EPG5: variants seen among roughly 807,000 people sequenced by gnomAD.
EPG5 encodes the protein ectopic P granules protein 5 homolog.
A neutral mutation model predicts 302.7 loss-of-function variants in EPG5; 159 were observed. The observed-to-expected ratio is 0.53, with a 90% CI of 0.46 to 0.60. The LOEUF is 0.60. Among genes scored for constraint, EPG5 ranks in the 20% least tolerant of loss-of-function variants. EPG5 has a pLI of 0.00. For missense variants in EPG5, 2,896 were observed against 3,092.4 expected, an observed-to-expected ratio of 0.94 and a Z score of 1.51; for synonymous variants, 1,158 against 1,136.8, an observed-to-expected ratio of 1.02 and a Z score of -0.37.
chr18:45,927,593 T>TATACACACAC (rs751518256), intron 13 of EPG5, among the ~76,000 whole-genome samples: 37 of 133,426 alleles, frequency 2.8e-4, no homozygotes, highest in African/African-American at 1.0e-3. Flanking sequence ...CAAAAAGTTA[T>TATACACACAC]ACACACACAC....
At chr18:45,918,950 T>C (rs2050090852) in intron 16 of EPG5, among the ~76,000 whole-genome samples, 1 of 152,078 alleles carries the variant, frequency 6.6e-6, no homozygotes, top group Admixed American at 6.6e-5. Flanking sequence ...GGGGAGAAAA[T>C]CATTTCAAAA....
chr18:45,943,129 A>T (rs1260920402), intron 9 of EPG5, 32 bp downstream of exon 9: 2 of 1,606,506 alleles, frequency 1.2e-6, no homozygotes, highest in Non-Finnish European at 1.7e-6. Context: ...GGGTGAAAGG[A>T]ACAGAGAAGG....
the EPG5 span, among the ~76,000 whole-genome samples, chr18:45,816,350 CAG>C: frequency 6.6e-6 from 1 of 152,058 alleles, no homozygotes; most frequent in Admixed American, 6.6e-5. Flanking sequence ...AGTCAACCCA[CAG>C]AGAGAGAAAA....
the EPG5 span, among the ~76,000 whole-genome samples, chr18:45,828,085 C>T: frequency 6.6e-6 from 1 of 152,224 alleles, no homozygotes; most frequent in Non-Finnish European, 1.5e-5. Context: ...AGCCTCTCCT[C>T]ATGGCTCAGC....
chr18:45,822,341 G>T, the EPG5 span, among the ~76,000 whole-genome samples: 1 of 152,164 alleles, frequency 6.6e-6, no homozygotes. Flanking sequence ...ATTAAAAAAA[G>T]TTGATCTCAT....
chr18:45,930,022 G>T (rs2050364561), intron 12 of EPG5, among the ~76,000 whole-genome samples: 2 of 152,166 alleles, frequency 1.3e-5, no homozygotes, highest in African/African-American at 2.4e-5. Context: ...TGTAAAATGT[G>T]CAAGGCTTTT....
chr18:45,804,291 G>A, the EPG5 span, among the ~76,000 whole-genome samples: 14 of 152,212 alleles, frequency 9.2e-5, no homozygotes, highest in South Asian at 4.1e-4. Context: ...CTAAAGGGTG[G>A]TATTGAAAGG....
intron 1 of EPG5, among the ~76,000 whole-genome samples, chr18:45,963,466 G>A (rs559598209): frequency 3.2e-4 from 48 of 152,192 alleles, no homozygotes; most frequent in South Asian, 6.2e-4. Flanking sequence ...GTGAAACTCC[G>A]TCTCTACTAA....
At chr18:45,937,379 T>C (rs993076981) in intron 10 of EPG5, among the ~76,000 whole-genome samples, 6 of 150,570 alleles carry the variant, frequency 4.0e-5, no homozygotes, top group East Asian at 1.9e-4. Context: ...CACATATATA[T>C]ACACACACAC....
chr18:45,908,838 A>G (rs2049821989), intron 23 of EPG5, among the ~76,000 whole-genome samples: 2 of 151,962 alleles, frequency 1.3e-5, no homozygotes, highest in Non-Finnish European at 2.9e-5. Context: ...AATCCCAGCT[A>G]CTCAGGAGGC....
At chr18:45,964,542 C>G (rs192287559) in intron 1 of EPG5, among the ~76,000 whole-genome samples, 4 of 151,770 alleles carry the variant, frequency 2.6e-5, no homozygotes, top group Admixed American at 2.6e-4. Flanking sequence ...GGTATGTTTT[C>G]TTTTTTTTCC....
the EPG5 span, among the ~76,000 whole-genome samples, chr18:45,819,097 A>G: frequency 1.3e-5 from 2 of 152,182 alleles, no homozygotes; most frequent in Non-Finnish European, 2.9e-5. Flanking sequence ...TCAAAACCTT[A>G]TGGTTTCTGG....
At chr18:45,823,812 G>A in the EPG5 span, among the ~76,000 whole-genome samples, 1 of 152,118 alleles carries the variant, frequency 6.6e-6, no homozygotes. Flanking sequence ...GCACGTGCGA[G>A]GAAGGAGGTC....
the EPG5 span, chr18:45,840,162 C>T: frequency 3.1e-6 from 5 of 1,606,596 alleles, no homozygotes; most frequent in Admixed American, 8.5e-5. Flanking sequence ...GCACAGGCTG[C>T]AGACTGCGGT....
At chr18:45,803,968 A>C in the EPG5 span, among the ~76,000 whole-genome samples, 1 of 152,202 alleles carries the variant, frequency 6.6e-6, no homozygotes, top group African/African-American at 2.4e-5. Flanking sequence ...GGCAAAAGTC[A>C]AGCTCAAGAT....
chr18:45,907,631 G>A (rs118067743), intron 24 of EPG5, among the ~76,000 whole-genome samples: 2,070 of 152,148 alleles, frequency 0.014, 23 homozygotes, highest in Middle Eastern at 0.024. Flanking sequence ...AATGGGAGTA[G>A]AGATAATTGC....
At chr18:45,946,045 C>T (rs1016900883) in intron 7 of EPG5, among the ~76,000 whole-genome samples, 2 of 152,188 alleles carry the variant, frequency 1.3e-5, no homozygotes, top group Admixed American at 1.3e-4. Flanking sequence ...AGGACTAGAA[C>T]TGATAATTAG....
In EPG5 at chr18:45,870,590, T is replaced by C; in HGVS notation, c.6202A>G (p.Met2068Val). 3 of 1,613,654 alleles carry C rather than the reference T, an allele frequency of 1.9e-6. No individual in the cohort carries two copies. The highest frequency in any genetic ancestry group is 2.2e-5 in the South Asian group (2 of 91,038). Reference sequence around the variant, plus strand: ...ACTTTGAAGAAGGCCTCCATGAGCATCTGGTCAGGGTGCAGGTCCTTCCAT... The same window carrying C: ...ACTTTGAAGAAGGCCTCCATGAGCACCTGGTCAGGGTGCAGGTCCTTCCAT... ...LPWKDLHPDQ[M>V]LMEAFFKVER... The change falls in exon 36 of 44, where the codon ATG becomes GTG. Residue 2068 changes from methionine (M) to valine (V), a missense_variant. This residue lies in a region of EPG5 where 620 missense variants were observed against 704.2 expected (regional missense o/e 0.88). Coordinates refer to ENST00000282041, the MANE Select transcript of EPG5 (RefSeq NM_020964.3).
the EPG5 span, among the ~76,000 whole-genome samples, chr18:45,818,478 G>A: frequency 6.6e-6 from 1 of 152,072 alleles, no homozygotes; most frequent in Admixed American, 6.6e-5. Flanking sequence ...ACTCTTGTCA[G>A]GTTTTCATCT....
Sources: allele counts gnomAD v4.1 joint callset (sites outside exome capture counted in the v4.1 genomes callset), GRCh38; gene constraint gnomAD v4.1.1; regional missense constraint gnomAD v4.1.1; transcripts MANE v1.5; gene names NCBI Gene and HGNC (gene_info 2026-07-23, HGNC 2026-07-21).